The following PARVB variants were observed in gnomAD, a reference collection of about 807,000 sequenced individuals.
PARVB encodes the protein beta-parvin.
PARVB carries 46 observed loss-of-function variants against 47.0 expected under a neutral mutation model. The ratio of observed to expected loss-of-function variants is 0.98; its 90% CI spans 0.77 to 1.25. PARVB has a LOEUF of 1.25. Ranked by LOEUF, PARVB falls within the 50% of genes most tolerant of loss-of-function variation. The pLI, the probability that PARVB is intolerant of heterozygous loss-of-function variation, is 0.00. For synonymous variants in PARVB, 196 were observed against 196.3 expected (o/e 1.00, Z 0.01); for missense variants, 473 against 471.6 (o/e 1.00, Z -0.03).
At chr22:44,023,532 CAAAACAAAAT>C (rs1307891096), upstream of PARVB, among the ~76,000 whole-genome samples, 149 of 63,598 alleles carry the variant, frequency 2.3e-3, no homozygotes, top group Middle Eastern at 0.014. Context: ...TAAAATAAAA[CAAAACAAAAT>C]AAAATAAAAT....
At chr22:44,136,422 C>G (rs982523082) in intron 6 of PARVB, 38 bp from the exon 7 acceptor site, 2 of 1,592,288 alleles carry the variant, frequency 1.3e-6, no homozygotes, top group African/African-American at 2.7e-5. Flanking sequence ...CTCAACTCTC[C>G]ACTGCCTGAT....
At chr22:44,118,584 G>C (rs769756169) in intron 3 of PARVB, among the ~76,000 whole-genome samples, 3 of 152,224 alleles carry the variant, frequency 2.0e-5, no homozygotes, top group Non-Finnish European at 4.4e-5. Flanking sequence ...CTGTCTTGGG[G>C]TGATGAGAGG....
Position 44,172,275 on chromosome 22 carries a change from G to A in PARVB, c.*3597G>A, listed in dbSNP as rs532904610. ...AGATGCCCCGTCTGCTGCTGCTCTT[G>A]GTTCTTAGTTCAGAGAAATTCTGGG... On this transcript the variant is annotated 3_prime_UTR_variant, in exon 13 of 13. Transcript: ENST00000338758. 2 of 152,458 alleles carry A rather than the reference G, an allele frequency of 1.3e-5. No homozygotes were observed. The highest frequency in any genetic ancestry group is 6.5e-5 in the Admixed American group (1 of 15,302). 9.4% of individuals were successfully genotyped at this position (152,458 alleles called of 1,614,324 possible).
chr22:44,081,488 AACGCTTTGG>A, intron 1 of PARVB: 1 of 417,876 alleles, frequency 2.4e-6, no homozygotes, highest in South Asian at 1.0e-4. Context: ...CTCAGCAGAC[AACGCTTTGG>A]ACTTCCCTGG....
chr22:44,072,293 C>T (rs2051672825), intron 1 of PARVB, among the ~76,000 whole-genome samples: 1 of 152,150 alleles, frequency 6.6e-6, no homozygotes, highest in Non-Finnish European at 1.5e-5. Context: ...GAGCTGAGTC[C>T]CCGAGTCTCT....
intron 1 of PARVB, among the ~76,000 whole-genome samples, chr22:44,030,279 T>TG (rs1184602125): frequency 1.3e-5 from 2 of 152,188 alleles, no homozygotes; most frequent in African/African-American, 2.4e-5. Flanking sequence ...GACTGAGCCA[T>TG]GGGGGTCTCA....
At chr22:44,128,583 A>G (rs2147151839) in intron 4 of PARVB, among the ~76,000 whole-genome samples, 1 of 152,242 alleles carries the variant, frequency 6.6e-6, no homozygotes, top group East Asian at 1.9e-4. Context: ...TGTTTCCACC[A>G]CCAAATTCAT....
intron 2 of PARVB, among the ~76,000 whole-genome samples, chr22:44,009,199 T>A (rs1185617860): frequency 1.3e-5 from 2 of 152,212 alleles, no homozygotes; most frequent in African/African-American, 4.8e-5. Context: ...GATAATTTGC[T>A]TACAGCTGTT....
chr22:44,003,863 T>C (rs1463692130), intron 2 of PARVB, among the ~76,000 whole-genome samples: 5 of 152,212 alleles, frequency 3.3e-5, no homozygotes, highest in Admixed American at 1.3e-4. Context: ...CACAGCCTCC[T>C]GTGTCTGCCC....
At position 44,049,853 on chromosome 22, in the gene PARVB, G is replaced by A. The variant is rs75582664; in HGVS notation, c.112+25402G>A. On this transcript the variant is annotated intron_variant, in intron 1 of 12. Coordinates refer to ENST00000338758, the MANE Select transcript of PARVB (RefSeq NM_013327.5). This position sits in a 1 kb window ranked among gnomAD's most constrained non-coding sequence, Gnocchi z 4.0. ...TAGGTTTTATTGCCAAAGCCGTCCCGGCCTTGGCCTCAGCCTCTGTGTGGC... is the reference window on the plus strand; with the variant it reads ...TAGGTTTTATTGCCAAAGCCGTCCCAGCCTTGGCCTCAGCCTCTGTGTGGC... Among the ~76,000 whole-genome samples the A allele has an allele frequency of 0.06, 9,108 of 152,310 alleles. 946 individuals carry two copies. The highest frequency in any genetic ancestry group is 0.21 in the African/African-American group (8,640 of 41,534).
At chr22:44,090,573 G>C (rs2052141895) in intron 1 of PARVB, among the ~76,000 whole-genome samples, 1 of 152,194 alleles carries the variant, frequency 6.6e-6, no homozygotes, top group Non-Finnish European at 1.5e-5. Flanking sequence ...AGGTGAGCAG[G>C]GCTGCCTCGA....
At chr22:44,113,324 C>G (rs2052760465) in intron 3 of PARVB, 1 of 87,976 alleles carries the variant, frequency 1.1e-5, no homozygotes, top group Non-Finnish European at 2.2e-5. Flanking sequence ...TACTAAGGCC[C>G]TGCACCAACA....
chr22:44,015,364 T>G (rs1332457056), intron 2 of PARVB, among the ~76,000 whole-genome samples: 2 of 152,278 alleles, frequency 1.3e-5, no homozygotes, highest in East Asian at 3.9e-4. Flanking sequence ...GCTAAAAACT[T>G]ACATGGGTGA....
At chr22:44,124,134 T>C (rs1397601122) in intron 4 of PARVB, among the ~76,000 whole-genome samples, 3 of 152,234 alleles carry the variant, frequency 2.0e-5, no homozygotes, top group Non-Finnish European at 4.4e-5. Flanking sequence ...TGTGGGGTCC[T>C]CTTGTGGGAC....
intron 6 of PARVB, among the ~76,000 whole-genome samples, chr22:44,133,693 C>T (rs527828136): frequency 3.9e-5 from 6 of 152,288 alleles, no homozygotes; most frequent in South Asian, 2.1e-4. Context: ...CACATGCCAC[C>T]GTGCCTGGCT....
At chr22:44,099,144 A>G (rs1321559321) in intron 2 of PARVB, among the ~76,000 whole-genome samples, 1 of 151,998 alleles carries the variant, frequency 6.6e-6, no homozygotes, top group Non-Finnish European at 1.5e-5. Flanking sequence ...TTCCTCTTTA[A>G]GAGAGAGGTG....
At chr22:44,078,332 C>A (rs2051823287) in intron 1 of PARVB, among the ~76,000 whole-genome samples, 1 of 152,190 alleles carries the variant, frequency 6.6e-6, no homozygotes, top group Non-Finnish European at 1.5e-5. Flanking sequence ...TAGACCCGGA[C>A]CTGCCTAACT....
intron 7 of PARVB, among the ~76,000 whole-genome samples, chr22:44,137,929 T>G (rs1355767805): frequency 6.6e-6 from 1 of 152,180 alleles, no homozygotes; most frequent in Non-Finnish European, 1.5e-5. Flanking sequence ...GAATGGCCTG[T>G]GCACATTGTT....
chr22:44,100,067 C>T lies in PARVB; in HGVS notation c.217C>T (p.Arg73Cys), dbSNP rs370343316. ...GTCCCTGGCAGAGGAGAACGAGGAG[C>T]GCACGATGATTGACCCCACTTCCAA... ...EDTQLEENEE[R>C]TMIDPTSKED... is the part of the protein sequence containing the mutation. The change falls in exon 3 of 13, where the codon CGC becomes TGC. Residue 73 changes from arginine to cysteine, a missense_variant. Arg to Cys is a radical substitution (Grantham distance 180, BLOSUM62 -3). Transcript: ENST00000338758. 117 of 1,613,882 alleles carry T rather than the reference C, an allele frequency of 7.2e-5. No individual in the cohort carries two copies. Among genetic ancestry groups the T allele is most frequent in the South Asian group, 9.9e-5 (9 of 91,070 alleles).
Sources: allele counts gnomAD v4.1 joint callset (sites outside exome capture counted in the v4.1 genomes callset), GRCh38; gene constraint gnomAD v4.1.1; non-coding constraint Gnocchi (gnomAD v3.1); transcripts MANE v1.5; gene names NCBI Gene and HGNC (gene_info 2026-07-23, HGNC 2026-07-21).